NPHP1: variants seen among roughly 807,000 people sequenced by gnomAD.
The protein encoded by NPHP1 is nephrocystin-1.
A neutral mutation model predicts 90.4 loss-of-function variants in NPHP1; 70 were observed. The observed-to-expected ratio is 0.77, with a 90% CI of 0.64 to 0.95. The LOEUF (loss-of-function observed/expected upper bound fraction) is 0.95, where lower values mean the gene tolerates loss of function less well. Ranked by LOEUF, NPHP1 falls within the 40% of genes least tolerant of loss-of-function variation. The pLI, the probability that NPHP1 is intolerant of heterozygous loss-of-function variation, is 0.00. For missense variants in NPHP1, 764 were observed against 795.9 expected, an observed-to-expected ratio of 0.96 and a Z score of 0.48; for synonymous variants, 256 against 271.7, an observed-to-expected ratio of 0.94 and a Z score of 0.57.
At chr2:110,169,053 C>A (rs946293552) in intron 5 of NPHP1, among the ~76,000 whole-genome samples, 20 of 151,998 alleles carry the variant, frequency 1.3e-4, no homozygotes, top group Non-Finnish European at 2.9e-4. Flanking sequence ...AACACTCACT[C>A]ATTTATAAAA....
chr2:110,129,428 C>G (rs978612192), intron 17 of NPHP1, among the ~76,000 whole-genome samples, 169 bp from the exon 18 acceptor site: 1 of 152,234 alleles, frequency 6.6e-6, no homozygotes, highest in Non-Finnish European at 1.5e-5. Flanking sequence ...CTTCAACCTT[C>G]ATTTGCCCCT....
chr2:110,182,354 G>GA (rs966713729), intron 2 of NPHP1, among the ~76,000 whole-genome samples: 96 of 138,022 alleles, frequency 7.0e-4, no homozygotes, highest in Admixed American at 1.0e-3. Flanking sequence ...AGGTCAAAAT[G>GA]AAAAAAAAAA....
intron 4 of NPHP1, among the ~76,000 whole-genome samples, chr2:110,173,278 A>G (rs1182431209): frequency 1.3e-5 from 2 of 152,064 alleles, no homozygotes; most frequent in Non-Finnish European, 2.9e-5. Flanking sequence ...ATTGGGTTTT[A>G]ATGTCATTCC....
chr2:110,172,336 CTGTA>C (rs1237190084), intron 4 of NPHP1, among the ~76,000 whole-genome samples: 1 of 151,930 alleles, frequency 6.6e-6, no homozygotes, highest in African/African-American at 2.4e-5. Context: ...ATATTGCCTA[CTGTA>C]TGTCTGTTTA....
At chr2:110,192,861 TAAAGA>T (rs1684853109) in intron 2 of NPHP1, among the ~76,000 whole-genome samples, 1 of 152,090 alleles carries the variant, frequency 6.6e-6, no homozygotes, top group African/African-American at 2.4e-5. Context: ...TTCAACTTCT[TAAAGA>T]AAAGAATTTT....
At chr2:110,155,844 T>G (rs1011029844) in intron 11 of NPHP1, among the ~76,000 whole-genome samples, 2 of 152,124 alleles carry the variant, frequency 1.3e-5, no homozygotes, top group Admixed American at 1.3e-4. Context: ...ATGTTGGGAC[T>G]GTGAACTTTG....
intron 2 of NPHP1, among the ~76,000 whole-genome samples, chr2:110,190,794 G>A (rs994306128): frequency 1.3e-5 from 2 of 152,102 alleles, no homozygotes; most frequent in Admixed American, 1.3e-4. Flanking sequence ...ACAGAATGGG[G>A]GAAAATGTTT....
intron 2 of NPHP1, chr2:110,184,191 C>T (rs1684116765): frequency 1.2e-5 from 7 of 564,330 alleles, no homozygotes; most frequent in South Asian, 2.8e-5. Flanking sequence ...CATGCATATT[C>T]GTATCATGGC....
At chr2:110,198,477 G>A (rs929084402) in intron 2 of NPHP1, among the ~76,000 whole-genome samples, 1 of 152,134 alleles carries the variant, frequency 6.6e-6, no homozygotes, top group Non-Finnish European at 1.5e-5. Flanking sequence ...TACTGATTAC[G>A]TTTAGATTTA....
At chr2:110,196,568 A>T (rs1181781911) in intron 2 of NPHP1, among the ~76,000 whole-genome samples, 1 of 152,174 alleles carries the variant, frequency 6.6e-6, no homozygotes, top group Non-Finnish European at 1.5e-5. Flanking sequence ...ACTGTAAACT[A>T]GTTCAACCAT....
At chr2:110,173,825 G>T (rs184477881) in intron 4 of NPHP1, among the ~76,000 whole-genome samples, 1 of 152,038 alleles carries the variant, frequency 6.6e-6, no homozygotes, top group Non-Finnish European at 1.5e-5. Context: ...ATTAGATCAC[G>T]GTGGTTAAGG....
chr2:110,144,700 G>C (rs1302353694), intron 14 of NPHP1, 131 bp from the exon 15 acceptor site: 2 of 688,666 alleles, frequency 2.9e-6, no homozygotes, highest in African/African-American at 1.8e-5. Context: ...TAAATGAAAA[G>C]AATAATTGTT....
chr2:110,131,750 T>C lies in NPHP1; in HGVS notation c.1571A>G (p.His524Arg). The part of the protein sequence containing the change: ...ETLIGNMCSI[H>R]LLIFYRQILG... ...AATTTGTCGATAAAATATCAACAAG[T>C]GAATAGAACACATATTTCCAATTAA... Residue 524 changes from histidine (H) to arginine (R), a missense_variant, in exon 17 of 20, where the codon CAC becomes CGC. By Grantham distance (29) the His-to-Arg change is conservative (BLOSUM62 0). Coordinates refer to ENST00000445609, the MANE Select transcript of NPHP1 (RefSeq NM_001128178.3). 3 of 1,612,504 alleles carry C rather than the reference T, an allele frequency of 1.9e-6. No individual in the cohort carries two copies. Among genetic ancestry groups the C allele is most frequent in the Non-Finnish European group, 2.5e-6 (3 of 1,178,596 alleles).
rs766145969 is a variant in NPHP1 at position 110,204,947 on chromosome 2, C to T, written c.22G>A (p.Asp8Asn). The T allele has an allele frequency of 3.7e-6, 6 of 1,613,926 alleles. No homozygotes were observed. In the East Asian group the frequency reaches 8.9e-5, roughly 24 times the overall value. MLARRQR[D>N]PLQALRRRNQ... is the part of the protein sequence containing the mutation. ...CGGCGCCGCAGGGCCTGGAGAGGAT[C>T]TCGCTGTCGTCTCGCCAGCATCTCC... is the stretch of plus-strand genomic sequence containing the variant. The change falls in exon 1 of 20, where the codon GAT becomes AAT. Residue 8 changes from aspartate (D) to asparagine (N), a missense_variant. Physicochemically the swap from Asp to Asn is conservative, Grantham distance 23. Transcript: ENST00000445609.
At chr2:110,166,444 G>A (rs1157295117) in intron 6 of NPHP1, among the ~76,000 whole-genome samples, 4 of 152,152 alleles carry the variant, frequency 2.6e-5, no homozygotes, top group Admixed American at 2.6e-4. Context: ...CTAAATGCTG[G>A]TCAATGAGCA....
intron 2 of NPHP1, chr2:110,184,074 A>G: frequency 1.9e-6 from 1 of 525,426 alleles, no homozygotes; most frequent in Non-Finnish European, 3.8e-6. Context: ...TTACGATACA[A>G]TCACCAACCA....
At chr2:110,198,553 T>C (rs1283633479) in intron 2 of NPHP1, among the ~76,000 whole-genome samples, 2 of 152,030 alleles carry the variant, frequency 1.3e-5, no homozygotes, top group Non-Finnish European at 2.9e-5. Flanking sequence ...CCTTTTCCCC[T>C]CTCTGCTCTC....
intron 6 of NPHP1, among the ~76,000 whole-genome samples, chr2:110,167,994 G>T (rs941120950): frequency 7.9e-5 from 12 of 152,112 alleles, no homozygotes; most frequent in Non-Finnish European, 2.9e-5. Flanking sequence ...AGTTCTACTG[G>T]ACAGTGCTGA....
chr2:110,141,897 C>T (rs1353827360), intron 16 of NPHP1, among the ~76,000 whole-genome samples: 8 of 147,272 alleles, frequency 5.4e-5, no homozygotes, highest in Admixed American at 1.4e-4. Flanking sequence ...GGCGTGAACC[C>T]GGGAGGCGGA....
Sources: gnomAD v4.1 joint callset for allele counts (sites outside exome capture counted in the v4.1 genomes callset) on GRCh38, gnomAD v4.1.1 for gene constraint, MANE v1.5 for transcripts, NCBI Gene and HGNC (gene_info 2026-07-23, HGNC 2026-07-21) for gene names.